The following EPB41L1 variants were observed in gnomAD, a reference collection of about 807,000 sequenced individuals.
The protein encoded by EPB41L1 is band 4.1-like protein 1.
EPB41L1 carries 29 observed loss-of-function variants against 97.8 expected under a neutral mutation model. The ratio of observed to expected loss-of-function variants is 0.30; its 90% CI spans 0.22 to 0.40. EPB41L1 has a LOEUF of 0.40. Among genes scored for constraint, EPB41L1 ranks in the 10% least tolerant of loss-of-function variants. EPB41L1 has a pLI of 1.00. For synonymous variants in EPB41L1, 383 were observed against 459.2 expected (o/e 0.83, Z 2.12); for missense variants, 812 against 1,162.3 (o/e 0.70, Z 4.38).
At position 36,092,581 on chromosome 20, in the gene EPB41L1, T is replaced by TCGC. The variant is rs2057688811; in HGVS notation, c.-65+977_-65+979dup. On this transcript the variant is annotated intron_variant, in intron 1 of 19. Transcript: ENST00000202028. This position sits in a 1 kb window ranked among gnomAD's most constrained non-coding sequence, Gnocchi z 7.0. ...CCCGCTGCTGCTTGGGGGGCCGGGA[T>TCGC]CGCCGCCGCCTCCTCCGGGGGAGCC... The TCGC allele has an allele frequency of 6.6e-6, 1 of 151,206 alleles. No individual in the cohort carries two copies. The highest frequency in any genetic ancestry group is 2.1e-4 in the South Asian group (1 of 4,704). 9.4% of individuals were successfully genotyped at this position (151,206 alleles called of 1,614,324 possible). A position where few individuals can be genotyped will look rare whatever the true frequency, so the allele number is the denominator to read the frequency against.
intron 2 of EPB41L1, 138 bp downstream of exon 2, chr20:36,174,092 C>A: frequency 1.1e-6 from 1 of 947,794 alleles, no homozygotes; most frequent in Non-Finnish European, 1.7e-6. Flanking sequence ...ATGCCAAGCA[C>A]TGTGCTGGGA....
chr20:36,173,386 C>T (rs946642360), intron 1 of EPB41L1, among the ~76,000 whole-genome samples: 14 of 152,308 alleles, frequency 9.2e-5, no homozygotes, highest in South Asian at 2.1e-4. Flanking sequence ...GTCTACCAAG[C>T]GCCAGGTGAG....
In EPB41L1 at chr20:36,185,139, C is replaced by A; in HGVS notation, c.589C>A (p.Arg197=). 1 of 1,612,494 alleles carries A rather than the reference C, an allele frequency of 6.2e-7. No homozygotes were observed. Among genetic ancestry groups the A allele is most frequent in the Non-Finnish European group, 8.5e-7 (1 of 1,180,034 alleles). Residue 197 remains arginine, a synonymous_variant, in exon 7 of 22, where the codon CGG becomes AGG. Coordinates refer to ENST00000338074, the MANE Select transcript of EPB41L1 (RefSeq NM_012156.2). ...ITRYYLCLQL[R]ADIITGRLPC... is the part of the protein sequence containing the mutation. ...CAGATACTACCTGTGCCTGCAGCTG[C>A]GGGCAGACATCATCACGGGCCGGCT...
Position 36,209,511 on chromosome 20 carries a change from C to T in EPB41L1, c.1692C>T (p.Ser564=), listed in dbSNP as rs776031140. The T allele has an allele frequency of 4.6e-5, 74 of 1,613,892 alleles. No homozygotes were observed. The East Asian group carries it at 7.4e-4, about 16-fold the overall frequency. Residue 564 remains serine (S), a synonymous_variant, in exon 15 of 22, where the codon TCC becomes TCT. Coordinates refer to ENST00000338074, the MANE Select transcript of EPB41L1 (RefSeq NM_012156.2). This position sits in a 1 kb window ranked among gnomAD's most constrained non-coding sequence, Gnocchi z 4.2. ...ANERAGLREG[S]EEKVKPPRPR... ...AGAGAGCAGGGCTGAGGGAGGGCTC[C>T]GAGGAGAAAGTCAAACCACCACGTC...
intron 21 of EPB41L1, among the ~76,000 whole-genome samples, chr20:36,227,480 A>C (rs921678896): frequency 6.6e-6 from 1 of 152,198 alleles, no homozygotes; most frequent in African/African-American, 2.4e-5. Flanking sequence ...TTGCTGTAAT[A>C]ACTAAACAAC....
Position 36,209,967 on chromosome 20 carries a change from G to C in EPB41L1, c.2079+69G>C. The C allele has an allele frequency of 2.5e-6, 4 of 1,571,444 alleles. No individual in the cohort carries two copies. Among genetic ancestry groups the C allele is most frequent in the Non-Finnish European group, 3.5e-6 (4 of 1,157,792 alleles). On this transcript the variant is annotated intron_variant, in intron 15 of 21. Coordinates refer to ENST00000338074, the MANE Select transcript of EPB41L1 (RefSeq NM_012156.2). The surrounding 1 kb of genome is among the most constrained non-coding windows in gnomAD (Gnocchi z 4.2). ...ATGCTCAGAGGGCCCTGGGCCACCC[G>C]TGAGAAGACCGAGCACCCAGCCTGC...
At chr20:36,182,415 T>TGGGGACCCA in intron 6 of EPB41L1, 68 bp downstream of exon 6, 1 of 1,552,572 alleles carries the variant, frequency 6.4e-7, no homozygotes, top group South Asian at 1.1e-5. Flanking sequence ...ACCCTGGCCC[T>TGGGGACCCA]GGGGACACAG....
chr20:36,139,898 A>G (rs533403265), intron 2 of EPB41L1, among the ~76,000 whole-genome samples: 10 of 149,708 alleles, frequency 6.7e-5, no homozygotes, highest in Non-Finnish European at 1.5e-4. Flanking sequence ...TGCCTGGCTA[A>G]TTTTGTATTT....
chr20:36,209,802 C>G lies in EPB41L1; in HGVS notation c.1983C>G (p.Leu661=). The stretch of plus-strand genomic sequence containing the variant: ...AGGGCCTGCTGTTCTCCCGGGATCT[C>G]AACAAGGGGGCCCCCAGCCAGGATG... The part of the protein sequence containing the change: ...DTEGLLFSRD[L]NKGAPSQDDE... Residue 661 remains leucine, a synonymous_variant, in exon 15 of 22, where the codon CTC becomes CTG. Transcript: ENST00000338074. The surrounding 1 kb of genome is among the most constrained non-coding windows in gnomAD (Gnocchi z 4.2). The G allele has an allele frequency of 1.9e-6, 3 of 1,613,826 alleles. No homozygotes were observed. The highest frequency in any genetic ancestry group is 2.5e-6 in the Non-Finnish European group (3 of 1,179,914).
chr20:36,185,024 C>A, intron 6 of EPB41L1, 93 bp from the exon 7 acceptor site: 1 of 1,262,538 alleles, frequency 7.9e-7, no homozygotes, highest in Non-Finnish European at 1.1e-6. Context: ...TTCTGCTGAG[C>A]TATGTTCTAT....
At chr20:36,126,433 C>T (rs2058971715) in intron 2 of EPB41L1, among the ~76,000 whole-genome samples, 1 of 145,280 alleles carries the variant, frequency 6.9e-6, no homozygotes. Flanking sequence ...ATGGCGTGAT[C>T]TCGGCTCACT....
intron 2 of EPB41L1, among the ~76,000 whole-genome samples, chr20:36,138,938 A>G (rs2059529167): frequency 6.6e-6 from 1 of 152,160 alleles, no homozygotes. Context: ...ACTTTGAACA[A>G]CTTAAGTAAA....
rs182474327 is a variant in EPB41L1, at chr20:36,119,341, G to A, written c.-10+6861G>A. Among the ~76,000 whole-genome samples the A allele has an allele frequency of 4.0e-3, 611 of 152,292 alleles. 8 individuals carry two copies. The highest frequency in any genetic ancestry group is 0.014 in the African/African-American group (575 of 41,566). On this transcript the variant is annotated intron_variant, in intron 2 of 19. Coordinates refer to the EPB41L1 transcript ENST00000202028. ...GGTGTGGCTGGGTGTGGTGGCTCAC[G>A]CCTGTAATCCCAGCACTTTGGGAGG...
At chr20:36,220,608 G>T (rs2063725968) in intron 19 of EPB41L1, among the ~76,000 whole-genome samples, 1 of 152,162 alleles carries the variant, frequency 6.6e-6, no homozygotes, top group Non-Finnish European at 1.5e-5. Flanking sequence ...GGTCCACCAG[G>T]ATGTGTAGAT....
At chr20:36,145,296 C>G (rs951353172) in intron 2 of EPB41L1, among the ~76,000 whole-genome samples, 1 of 149,288 alleles carries the variant, frequency 6.7e-6, no homozygotes. Context: ...GAGGCTGAGG[C>G]GGAGAATTGC....
chr20:36,174,099 G>C, intron 2 of EPB41L1, 145 bp downstream of exon 2: 1 of 923,716 alleles, frequency 1.1e-6, no homozygotes, highest in Non-Finnish European at 1.7e-6. Flanking sequence ...GCACTGTGCT[G>C]GGAGCATTGT....
intron 14 of EPB41L1, among the ~76,000 whole-genome samples, chr20:36,205,353 C>T (rs933084763): frequency 6.6e-6 from 1 of 152,208 alleles, no homozygotes; most frequent in Non-Finnish European, 1.5e-5. Flanking sequence ...CTAACAGTGA[C>T]CTTGGGCAAG....
chr20:36,165,060 C>T (rs2060683958), intron 1 of EPB41L1, among the ~76,000 whole-genome samples: 1 of 152,004 alleles, frequency 6.6e-6, no homozygotes, highest in South Asian at 2.1e-4. Flanking sequence ...GAGCTCACTA[C>T]AACCTCTGCC....
rs2062803303 is a variant in EPB41L1, at chr20:36,206,324, C to T, written c.1669-3164C>T. On this transcript the variant is annotated intron_variant, in intron 14 of 21. Coordinates refer to ENST00000338074, the MANE Select transcript of EPB41L1 (RefSeq NM_012156.2). The surrounding 1 kb of genome is among the most constrained non-coding windows in gnomAD (Gnocchi z 5.5). The stretch of plus-strand genomic sequence containing the variant: ...CCTCACACTTGTGGGAGACCCACTG[C>T]TCCAGGGACCAGGCCAGCAGAGGTG... 7.8e-7 allele frequency: 1 copy of T among 1,289,800 alleles called. No homozygotes were observed. The allele number at this position is 1,289,800 out of a possible 1,614,324, so 79.9% of individuals were successfully genotyped here.
Sources: allele counts gnomAD v4.1 joint callset (sites outside exome capture counted in the v4.1 genomes callset), GRCh38; gene constraint gnomAD v4.1.1; non-coding constraint Gnocchi (gnomAD v3.1); transcripts MANE v1.5; gene names NCBI Gene and HGNC (gene_info 2026-07-23, HGNC 2026-07-21).